SYT7: variants seen among roughly 807,000 people sequenced by gnomAD.
SYT7 encodes the protein synaptotagmin 7, also known as synaptotagmin-7.
SYT7 carries 29 observed loss-of-function variants against 75.1 expected under a neutral mutation model. The ratio of observed to expected loss-of-function variants is 0.39; its 90% CI spans 0.29 to 0.53. The LOEUF is 0.53. Among genes scored for constraint, SYT7 ranks in the 20% least tolerant of loss-of-function variants. SYT7 has a pLI of 0.77. For synonymous variants in SYT7, 376 were observed against 401.7 expected, an observed-to-expected ratio of 0.94 and a Z score of 0.76; for missense variants, 693 against 953.2, an observed-to-expected ratio of 0.73 and a Z score of 3.59.
Position 61,540,767 on chromosome 11 carries a change from G to C in SYT7, c.941+1444C>G, listed in dbSNP as rs1002423925. The C allele has an allele frequency of 1.5e-5, 15 of 985,506 alleles. No homozygotes were observed. In the African/African-American group the frequency reaches 2.4e-4, roughly 16 times the overall value. 61.0% of individuals were successfully genotyped at this position (985,506 alleles called of 1,614,324 possible). On this transcript the variant is annotated intron_variant, in intron 6 of 12. Coordinates refer to ENST00000539008, the MANE Select transcript of SYT7 (RefSeq NM_001365809.2). The stretch of plus-strand genomic sequence containing the variant: ...GGTGGGGAGGAGCAAGGACGTGCAG[G>C]GGCCCAGCAGGCTCTCAGTCCTGTT...
At chr11:61,531,320 G>A (rs1202423499) in intron 8 of SYT7, among the ~76,000 whole-genome samples, 1 of 152,222 alleles carries the variant, frequency 6.6e-6, no homozygotes, top group East Asian at 1.9e-4. Context: ...GGGCAGGCAA[G>A]CTGGCTGGGA....
At chr11:61,549,651 C>A (rs1032934900) in intron 3 of SYT7, among the ~76,000 whole-genome samples, 1 of 152,222 alleles carries the variant, frequency 6.6e-6, no homozygotes, top group Non-Finnish European at 1.5e-5. Context: ...GGCCTAGGTG[C>A]ATGCAGACAC....
At chr11:61,567,777 A>C (rs1406914981) in intron 1 of SYT7, among the ~76,000 whole-genome samples, 1 of 152,220 alleles carries the variant, frequency 6.6e-6, no homozygotes, top group Non-Finnish European at 1.5e-5. Context: ...CCAGCGGCGA[A>C]GCAGCGGCAG....
intron 5 of SYT7, among the ~76,000 whole-genome samples, chr11:61,544,478 C>G (rs1205502887): frequency 2.6e-5 from 4 of 152,208 alleles, no homozygotes; most frequent in African/African-American, 7.2e-5. Context: ...TTGCCTAACT[C>G]AGGCCTGAAA....
intron 3 of SYT7, among the ~76,000 whole-genome samples, chr11:61,549,959 C>G (rs1468152378): frequency 6.6e-6 from 1 of 152,196 alleles, no homozygotes; most frequent in South Asian, 2.1e-4. Context: ...AGAGGCAGGC[C>G]CCCAGCCCTG....
Position 61,517,063 on chromosome 11 carries a change from G to A in SYT7, c.*1564C>T, listed in dbSNP as rs2062165314. The A allele has an allele frequency of 7.7e-6, 3 of 391,536 alleles. No individual in the cohort carries two copies. Among genetic ancestry groups the A allele is most frequent in the African/African-American group, 6.2e-5 (3 of 48,462 alleles). 24.3% of individuals were successfully genotyped at this position (391,536 alleles called of 1,614,324 possible). ...TCACAGGCCCATCCAGAGTGGAACT[G>A]GGGGCTAAGACCACGGCCACAGACT... On this transcript the variant is annotated 3_prime_UTR_variant, in exon 13 of 13. Coordinates refer to ENST00000539008, the MANE Select transcript of SYT7 (RefSeq NM_001365809.2).
In SYT7 at chr11:61,542,361, G is replaced by C; in HGVS notation, c.791C>G (p.Pro264Arg). ...AGCCTGGCCCCGGCCATAGGCCCGG[G>C]GGTTGGGGCCTGGTGCCGAGGCCAT... Reference protein sequence around the residue: ...AHMASAPGPNPRAYGRGQARQ... With the variant: ...AHMASAPGPNRRAYGRGQARQ... The change falls in exon 6 of 13, where the codon CCC (proline) becomes CGC (arginine). Residue 264 changes from proline to arginine, a missense_variant. By Grantham distance (103) the Pro-to-Arg change is moderately radical. This residue lies in a region of SYT7 where 487 missense variants were observed against 593.2 expected (regional missense o/e 0.82). Transcript: ENST00000539008. This position sits in a 1 kb window ranked among gnomAD's most constrained non-coding sequence, Gnocchi z 7.8. 6.5e-7 allele frequency: 1 copy of C among 1,530,742 alleles called. No individual in the cohort carries two copies. Among genetic ancestry groups the C allele is most frequent in the Non-Finnish European group, 8.7e-7 (1 of 1,144,428 alleles). The allele number at this position is 1,530,742 out of a possible 1,614,324, so 94.8% of individuals were successfully genotyped here. A position where few individuals can be genotyped will look rare whatever the true frequency, so the allele number is the denominator to read the frequency against.
the SYT7 span, among the ~76,000 whole-genome samples, chr11:61,587,511 C>A: frequency 2.0e-5 from 3 of 152,258 alleles, no homozygotes; most frequent in Non-Finnish European, 4.4e-5. Context: ...AGGGCAGGAG[C>A]CAGAATCCAC....
At chr11:61,569,775 G>A (rs1391455790) in intron 1 of SYT7, among the ~76,000 whole-genome samples, 2 of 152,158 alleles carry the variant, frequency 1.3e-5, no homozygotes, top group Non-Finnish European at 2.9e-5. Context: ...GAAGGGGGAG[G>A]AGAGCGGGGG....
intron 1 of SYT7, among the ~76,000 whole-genome samples, chr11:61,570,601 G>A (rs2063896022): frequency 6.6e-6 from 1 of 152,172 alleles, no homozygotes; most frequent in East Asian, 1.9e-4. Context: ...TCTGACTCAT[G>A]CAACTGGTCA....
chr11:61,533,619 C>T (rs1565175470), intron 7 of SYT7: 1 of 985,394 alleles, frequency 1.0e-6, no homozygotes, highest in East Asian at 1.1e-4. Context: ...TTTGCTTGGG[C>T]TCATCAAGAG....
At chr11:61,530,349 CA>C (rs2062667754) in intron 8 of SYT7, among the ~76,000 whole-genome samples, 3 of 152,192 alleles carry the variant, frequency 2.0e-5, no homozygotes, top group African/African-American at 7.2e-5. Context: ...GACAAACCTG[CA>C]AGCGCCACCG....
At chr11:61,533,852 C>A (rs973846240) in intron 7 of SYT7, among the ~76,000 whole-genome samples, 1 of 152,104 alleles carries the variant, frequency 6.6e-6, no homozygotes, top group African/African-American at 2.4e-5. Context: ...TAGGGTGAGC[C>A]TACACCCCCT....
intron 9 of SYT7, among the ~76,000 whole-genome samples, chr11:61,527,611 C>T (rs555092465): frequency 3.3e-5 from 5 of 152,312 alleles, no homozygotes; most frequent in African/African-American, 1.2e-4. Context: ...CGGCCTCTGG[C>T]TGTGATGCTG....
rs774864273 is a variant in SYT7, at chr11:61,551,511, T to C, written c.136-48A>G. ...ACTCCTGGGGAACAGGACTGTACCC[T>C]CCCTACCTCCCCAGAACAGGGACCC... is the stretch of plus-strand genomic sequence containing the variant. On this transcript the variant is annotated intron_variant, in intron 2 of 12. Coordinates refer to ENST00000539008, the MANE Select transcript of SYT7 (RefSeq NM_001365809.2). The surrounding 1 kb of genome is among the most constrained non-coding windows in gnomAD (Gnocchi z 5.3). 1 of 1,568,414 alleles carries C rather than the reference T, an allele frequency of 6.4e-7. No individual in the cohort carries two copies. The highest frequency in any genetic ancestry group is 1.1e-5 in the South Asian group (1 of 89,940).
At chr11:61,555,108 C>CATGA (rs1472756974) in intron 2 of SYT7, among the ~76,000 whole-genome samples, 2 of 152,242 alleles carry the variant, frequency 1.3e-5, no homozygotes, top group Non-Finnish European at 2.9e-5. Context: ...CCAGTGCCCA[C>CATGA]AGCCACAGTG....
Position 61,546,439 on chromosome 11 carries a change from G to C in SYT7, c.348-184C>G. Reference sequence around the variant, plus strand: ...CAGACGGACATGAGACAGACAGAGAGAGAGAGAGAGACATCAGCACTGCAA... The same window carrying C: ...CAGACGGACATGAGACAGACAGAGACAGAGAGAGAGACATCAGCACTGCAA... On this transcript the variant is annotated intron_variant, in intron 4 of 12. Coordinates refer to ENST00000539008, the MANE Select transcript of SYT7 (RefSeq NM_001365809.2). This position sits in a 1 kb window ranked among gnomAD's most constrained non-coding sequence, Gnocchi z 7.6. 1 of 560,804 alleles carries C rather than the reference G, an allele frequency of 1.8e-6. No individual in the cohort carries two copies. The highest frequency in any genetic ancestry group is 3.2e-6 in the Non-Finnish European group (1 of 317,294). 34.7% of individuals were successfully genotyped at this position (560,804 alleles called of 1,614,324 possible).
chr11:61,530,791 A>G, intron 8 of SYT7: 1 of 985,076 alleles, frequency 1.0e-6, no homozygotes, highest in Non-Finnish European at 1.2e-6. Flanking sequence ...TGGCAGCTCT[A>G]TGCCCACTCC....
At position 61,542,184 on chromosome 11, in the gene SYT7, G is replaced by A. The variant is rs371961979; in HGVS notation, c.941+27C>T. ...AGGAGGCTGGGTCAGGGAGGTGGGG[G>A]CCGGCCCGCTCAAGGGGAGGACTTA... On this transcript the variant is annotated intron_variant, in intron 6 of 12. Transcript: ENST00000539008. This position sits in a 1 kb window ranked among gnomAD's most constrained non-coding sequence, Gnocchi z 7.8. 3 of 1,526,600 alleles carry A rather than the reference G, an allele frequency of 2.0e-6. No homozygotes were observed. Among genetic ancestry groups the A allele is most frequent in the East Asian group, 2.5e-5 (1 of 40,154 alleles). The allele number at this position is 1,526,600 out of a possible 1,614,324, so 94.6% of individuals were successfully genotyped here. A position where few individuals can be genotyped will look rare whatever the true frequency, so the allele number is the denominator to read the frequency against.
Sources: gnomAD v4.1 joint callset for allele counts (sites outside exome capture counted in the v4.1 genomes callset) on GRCh38, gnomAD v4.1.1 for gene constraint, gnomAD v4.1.1 regional missense constraint, Gnocchi (gnomAD v3.1) non-coding constraint, MANE v1.5 for transcripts, NCBI Gene and HGNC (gene_info 2026-07-23, HGNC 2026-07-21) for gene names.